The following EXOC3L1 variants were observed in gnomAD, a reference collection of about 807,000 sequenced individuals.
EXOC3L1 encodes the protein exocyst complex component 3 like 1.
Under a neutral mutation model 83.6 loss-of-function variants are expected in EXOC3L1, and 79 were observed. The observed-to-expected ratio is 0.95, with a 90% confidence interval of 0.79 to 1.14. The LOEUF (loss-of-function observed/expected upper bound fraction) is 1.14, where lower values mean the gene tolerates loss of function less well. Among genes scored for constraint, EXOC3L1 ranks in the 50% most tolerant of loss-of-function variants. EXOC3L1 has a pLI of 0.00. For synonymous variants in EXOC3L1, 433 were observed against 451.2 expected (o/e 0.96, Z 0.51); for missense variants, 945 against 972.0 (o/e 0.97, Z 0.37).
Position 67,187,449 on chromosome 16 carries a change from T to G in EXOC3L1, c.816A>C (p.Leu272=), listed in dbSNP as rs1430754249. Residue 272 remains leucine (L), a synonymous_variant, in exon 5 of 14, where the codon CTA becomes CTC. Transcript: ENST00000314586. The part of the protein sequence containing the change: ...GSPLLPAPGA[L]PGWLEALRVA... ...CTCGCAGAGCCTCCAGCCACCCTGG[T>G]AGGGCCCCTGGTGCAGGCAGCAGAG... The G allele has an allele frequency of 1.2e-6, 2 of 1,609,488 alleles. No homozygotes were observed. The highest frequency in any genetic ancestry group is 8.5e-7 in the Non-Finnish European group (1 of 1,179,716).
rs375857120 is a variant in EXOC3L1 at position 67,189,644 on chromosome 16, C to A, written c.33G>T (p.Pro11=). The A allele has an allele frequency of 5.0e-6, 8 of 1,613,966 alleles. No individual in the cohort carries two copies. In the African/African-American group the frequency reaches 9.3e-5, roughly 19 times the overall value. ...AAAGGTTCATACCAGGGGACAACGC[C>A]GGCTGCATCTCATCCTTGGCTGCTG... MDSAAKDEMQ[P]ALSPGPEWPE... Residue 11 remains proline (P), a synonymous_variant, in exon 2 of 14, where the codon CCG becomes CCT. Transcript: ENST00000314586.
rs145228772 is a variant in EXOC3L1, at chr16:67,186,639, G to A, written c.1303C>T (p.Arg435Cys). Reference protein sequence around the residue: ...IVLQILEENIRVASLVSESLQ... With the variant: ...IVLQILEENICVASLVSESLQ... ...GACTCACTGACCAGGCTGGCCACAC[G>A]AATGTTCTCTTCCAGGATCTGCAGG... is the stretch of plus-strand genomic sequence containing the variant. Residue 435 changes from arginine (R) to cysteine (C), a missense_variant, in exon 8 of 14, where the codon CGT becomes TGT. Transcript: ENST00000314586. 1.5e-5 allele frequency: 25 copies of A among 1,613,976 alleles called. No individual in the cohort carries two copies. The Middle Eastern group carries it at 4.9e-4, about 32-fold the overall frequency.
intron 2 of EXOC3L1, 45 bp from the exon 3 acceptor site, chr16:67,189,225 C>T: frequency 5.3e-6 from 8 of 1,503,462 alleles, no homozygotes; most frequent in Non-Finnish European, 7.1e-6. Context: ...GGGAGGAGGG[C>T]CCAACGACCC....
chr16:67,189,233 C>T, intron 2 of EXOC3L1, 53 bp from the exon 3 acceptor site: 2 of 1,467,730 alleles, frequency 1.4e-6, no homozygotes, highest in South Asian at 1.3e-5. Flanking sequence ...GGCCCAACGA[C>T]CCCAGTCCCA....
Position 67,188,859 on chromosome 16 carries a change from G to T in EXOC3L1, c.289C>A (p.Arg97=). Reference sequence around the variant, plus strand: ...CCACGGGCCTGGCTCAGGGCCTCCCGGGTTCCCTGCACCACCTCAATGGCC... The same window carrying T: ...CCACGGGCCTGGCTCAGGGCCTCCCTGGTTCCCTGCACCACCTCAATGGCC... ...AQAIEVVQGT[R]EALSQARGLL... The change falls in exon 4 of 14, where the codon CGG becomes AGG. Residue 97 remains arginine, a synonymous_variant. Transcript: ENST00000314586. 2 of 1,613,232 alleles carry T rather than the reference G, an allele frequency of 1.2e-6. No homozygotes were observed.
intron 8 of EXOC3L1, 54 bp from the exon 9 acceptor site, chr16:67,186,401 G>GC: frequency 1.4e-6 from 2 of 1,450,544 alleles, no homozygotes; most frequent in South Asian, 2.4e-5. Context: ...CATCCCCACA[G>GC]CCCCAGTCCC....
rs138203308 is a variant in EXOC3L1, at chr16:67,187,571, C to T, written c.694G>A (p.Gly232Arg). The change falls in exon 5 of 14, where the codon GGA (glycine) becomes AGA (arginine). Residue 232 changes from glycine to arginine, a missense_variant. Coordinates refer to ENST00000314586, the MANE Select transcript of EXOC3L1 (RefSeq NM_178516.4). ...AAVRVAEVET[G>R]RTTPLGQVPR... Reference sequence around the variant, plus strand: ...ACCTGGCCCAGGGGGGTTGTTCGTCCAGTCTCCACCTCCGCCACACGCACA... The same window carrying T: ...ACCTGGCCCAGGGGGGTTGTTCGTCTAGTCTCCACCTCCGCCACACGCACA... 6.7e-5 allele frequency: 107 copies of T among 1,604,796 alleles called. 1 individual carries two copies. In the African/African-American group the frequency reaches 1.3e-3, roughly 19 times the overall value.
Position 67,184,405 on chromosome 16 carries a change from G to A in EXOC3L1, c.2230C>T (p.Leu744Phe). The part of the protein sequence containing the change: ...PSGSCARALL[L>F]AE ...CCGGCAGCCGTGGTTTATTCTGCGA[G>A]CAGCAGGGCTCGGGCGCAGGACCCC... The change falls in exon 14 of 14, where the codon CTC (leucine) becomes TTC (phenylalanine). Residue 744 changes from leucine to phenylalanine, a missense_variant. Transcript: ENST00000314586. The A allele has an allele frequency of 6.5e-7, 1 of 1,534,136 alleles. No homozygotes were observed. The highest frequency in any genetic ancestry group is 8.7e-7 in the Non-Finnish European group (1 of 1,145,806).
intron 2 of EXOC3L1, 69 bp from the exon 3 acceptor site, chr16:67,189,249 C>CTTATTTATTTAT (rs535337809): frequency 3.9e-6 from 5 of 1,291,152 alleles, no homozygotes; most frequent in African/African-American, 1.5e-5. Flanking sequence ...TCCCAGCTTT[C>CTTATTTATTTAT]TTATTTATTT....
In EXOC3L1 at chr16:67,186,580, T is replaced by TCAA; in HGVS notation, c.1361_1362insTTG (p.Ser454_Glu455insTer). 6.2e-7 allele frequency: 1 copy of TCAA among 1,614,032 alleles called. No individual in the cohort carries two copies. The highest frequency in any genetic ancestry group is 8.5e-7 in the Non-Finnish European group (1 of 1,179,936). Reference sequence around the variant, plus strand: ...ACCTCCTCAAGAATGTGCCCAGTTCTGACAGTGCCATGCCATGCACTCGCT... The same window carrying TCAA: ...ACCTCCTCAAGAATGTGCCCAGTTCTCAAGACAGTGCCATGCCATGCACTCGCT... On this transcript the variant is annotated stop_gained and inframe_insertion, in exon 8 of 14. Transcript: ENST00000314586. LOFTEE classifies it high-confidence loss of function.
In EXOC3L1 at chr16:67,184,792, G is replaced by A; in HGVS notation, c.1924C>T (p.His642Tyr). 1.2e-6 allele frequency: 2 copies of A among 1,601,174 alleles called. No homozygotes were observed. Among genetic ancestry groups the A allele is most frequent in the Middle Eastern group, 1.6e-4 (1 of 6,062 alleles). The change falls in exon 13 of 14, where the codon CAC (histidine) becomes TAC (tyrosine). Residue 642 changes from histidine (H) to tyrosine (Y), a missense_variant. Transcript: ENST00000314586. Reference sequence around the variant, plus strand: ...AGGGCGAGCAGCACCGGCGCGCAGTGCGCGTTCTCCTCCAGGCCCTGAGCA... The same window carrying A: ...AGGGCGAGCAGCACCGGCGCGCAGTACGCGTTCTCCTCCAGGCCCTGAGCA... ...FLSLGLEENA[H>Y]CAPVLLALRE... is the part of the protein sequence containing the mutation.
chr16:67,187,966 G>T, intron 4 of EXOC3L1, 129 bp from the exon 5 acceptor site: 2 of 1,267,108 alleles, frequency 1.6e-6, no homozygotes, highest in Non-Finnish European at 2.1e-6. Context: ...AGAGTAAGCT[G>T]GGCACAGTGG....
At position 67,185,021 on chromosome 16, in the gene EXOC3L1, G is replaced by A; in HGVS notation, c.1786C>T (p.Gln596Ter). The stretch of plus-strand genomic sequence containing the variant: ...CCTTGCATCAGCGCGCTCAGGTACT[G>A]GAGCACCACGGCACGCTCGGCCTCA... Reference protein sequence around the residue: ...LAEAERAVVLQYLSALMQGRL... With the variant: ...LAEAERAVVL The change falls in exon 12 of 14, where the codon CAG (glutamine) becomes TAG (stop). Residue 596 changes from glutamine (Q) to a stop codon, truncating the protein, a stop_gained. Transcript: ENST00000314586. LOFTEE classifies it high-confidence loss of function. 1.2e-6 allele frequency: 2 copies of A among 1,609,448 alleles called. No homozygotes were observed. The highest frequency in any genetic ancestry group is 1.7e-6 in the Non-Finnish European group (2 of 1,177,946).
In EXOC3L1 at chr16:67,187,787, A is replaced by G; in HGVS notation, c.478T>C (p.Leu160=). ...TQTLIDGQQF[L]EAYVSLRELE... ...TCCCGAAGGCTCACATATGCCTCCA[A>G]GAACTGTTGGCCATCAATCAGAGTC... The change falls in exon 5 of 14, where the codon TTG becomes CTG. Residue 160 remains leucine, a synonymous_variant. Transcript: ENST00000314586. 6.2e-7 allele frequency: 1 copy of G among 1,611,404 alleles called. No individual in the cohort carries two copies. The highest frequency in any genetic ancestry group is 8.5e-7 in the Non-Finnish European group (1 of 1,178,996).
Position 67,189,970 on chromosome 16 carries a change from C to A in EXOC3L1, c.-8+1G>T. 2.4e-6 allele frequency: 1 copy of A among 424,174 alleles called. No individual in the cohort carries two copies. Among genetic ancestry groups the A allele is most frequent in the Non-Finnish European group, 4.3e-6 (1 of 234,076 alleles). The allele number at this position is 424,174 out of a possible 1,614,324, so 26.3% of individuals were successfully genotyped here. On this transcript the variant is annotated splice_donor_variant, in intron 1 of 13. Coordinates refer to ENST00000314586, the MANE Select transcript of EXOC3L1 (RefSeq NM_178516.4). LOFTEE classifies it low-confidence loss of function (5UTR_SPLICE). ...ACAGGACAGTTTGGTACAGAACTTA[C>A]CAGATTTGATCAGGCGTCCAGTTCT...
Position 67,189,126 on chromosome 16 carries a change from AGC to A in EXOC3L1, c.99_100del (p.Leu34GlnfsTer57). On this transcript the variant is annotated frameshift_variant, in exon 3 of 14. Transcript: ENST00000314586. LOFTEE classifies it high-confidence loss of function. ...GTAGAAGATGCCTGAGGCCCACTTG[AGC>A]GCTGCACCCCGGGCCAGCTGCTCTG... 1.9e-6 allele frequency: 3 copies of A among 1,607,734 alleles called. No homozygotes were observed.
intron 2 of EXOC3L1, 118 bp from the exon 3 acceptor site, chr16:67,189,298 A>G: frequency 6.1e-6 from 7 of 1,156,212 alleles, no homozygotes; most frequent in Non-Finnish European, 8.1e-6. Context: ...GTTTATTGAG[A>G]TGGAGTCTCG....
At chr16:67,188,525 T>G (rs2032792779) in intron 4 of EXOC3L1, among the ~76,000 whole-genome samples, 196 bp downstream of exon 4, 1 of 152,214 alleles carries the variant, frequency 6.6e-6, no homozygotes, top group Non-Finnish European at 1.5e-5. Context: ...GTGTCTGTCC[T>G]GACTCAAGCA....
In EXOC3L1 at chr16:67,184,888, CAAG is replaced by C; in HGVS notation, c.1905+11_1905+13del. 1 of 1,611,974 alleles carries C rather than the reference CAAG, an allele frequency of 6.2e-7. No homozygotes were observed. The highest frequency in any genetic ancestry group is 2.2e-5 in the East Asian group (1 of 44,850). ...TGAGACTCTCGCCCGTCTGCCCGCCCAAGAAGCTCTCACCAAACTGAGGAAAAG... is the reference window on the plus strand; with the variant it reads ...TGAGACTCTCGCCCGTCTGCCCGCCCAAGCTCTCACCAAACTGAGGAAAAG... On this transcript the variant is annotated intron_variant, in intron 12 of 13. Transcript: ENST00000314586.
Sources: allele counts gnomAD v4.1 joint callset (sites outside exome capture counted in the v4.1 genomes callset), GRCh38; gene constraint gnomAD v4.1.1; transcripts MANE v1.5; gene names NCBI Gene and HGNC (gene_info 2026-07-23, HGNC 2026-07-21).